GSE1: variants seen among roughly 807,000 people sequenced by gnomAD.
GSE1 encodes Gse1 coiled-coil protein.
GSE1 carries 32 observed loss-of-function variants against 112.6 expected under a neutral mutation model. The ratio of observed to expected loss-of-function variants is 0.28; its 90% CI spans 0.21 to 0.38. The LOEUF (loss-of-function observed/expected upper bound fraction) is 0.38, where lower values mean the gene tolerates loss of function less well. Among genes scored for constraint, GSE1 ranks in the 10% least tolerant of loss-of-function variants. The pLI is 1.00. For synonymous variants in GSE1, 1,115 were observed against 735.6 expected (o/e 1.52, Z -8.35); for missense variants, 2,348 against 1,699.2 (o/e 1.38, Z -6.71).
intron 1 of GSE1, among the ~76,000 whole-genome samples, chr16:85,570,843 GGAGCTCAGCCGC>G (rs1251519010): frequency 1.3e-5 from 2 of 152,226 alleles, no homozygotes; most frequent in Non-Finnish European, 2.9e-5. Flanking sequence ...GGAGGAGGCA[GGAGCTCAGCCGC>G]AAGCCACTGA....
At chr16:85,171,231 G>C in exon 1 of GSE1, 1 of 985,768 alleles carries the variant, frequency 1.0e-6, no homozygotes, top group Non-Finnish European at 1.2e-6. Context: ...GGTACCACCA[G>C]GCCTTCTCCG....
intron 2 of GSE1, among the ~76,000 whole-genome samples, chr16:85,403,938 G>C (rs1483291013): frequency 2.6e-5 from 4 of 152,128 alleles, no homozygotes; most frequent in African/African-American, 4.8e-5. Context: ...CCAGCCTCTG[G>C]GGACTCTGGC....
intron 2 of GSE1, among the ~76,000 whole-genome samples, chr16:85,639,259 G>T (rs1045513271): frequency 6.6e-6 from 1 of 152,208 alleles, no homozygotes; most frequent in East Asian, 1.9e-4. Flanking sequence ...CAGACTCCTC[G>T]GGTGGCACCG....
At chr16:85,335,184 A>T (rs946829718) in intron 1 of GSE1, among the ~76,000 whole-genome samples, 2 of 152,180 alleles carry the variant, frequency 1.3e-5, no homozygotes, top group African/African-American at 4.8e-5. Context: ...CGGAGGGTGG[A>T]GGGGAATCAT....
At chr16:85,323,337 G>A (rs2046155681) in intron 1 of GSE1, among the ~76,000 whole-genome samples, 1 of 152,182 alleles carries the variant, frequency 6.6e-6, no homozygotes, top group Admixed American at 6.5e-5. Context: ...GATAGAATTA[G>A]TGGCCCACTT....
chr16:85,420,481 T>TC (rs1597701210), intron 2 of GSE1, among the ~76,000 whole-genome samples: 2 of 151,948 alleles, frequency 1.3e-5, no homozygotes, highest in East Asian at 3.9e-4. Context: ...TCGGAGGAAG[T>TC]CCCCGCTGCG....
intron 2 of GSE1, among the ~76,000 whole-genome samples, chr16:85,411,014 C>G (rs77264766): frequency 1.5e-4 from 10 of 68,884 alleles, no homozygotes; most frequent in African/African-American, 8.3e-4. Flanking sequence ...ACACTCAGAG[C>G]CCCCCTGGAT....
intron 1 of GSE1, among the ~76,000 whole-genome samples, chr16:85,324,746 A>T (rs2046190411): frequency 6.6e-6 from 1 of 152,098 alleles, no homozygotes; most frequent in African/African-American, 2.4e-5. Context: ...CCAATAGGCA[A>T]ATCCACAGAG....
intron 1 of GSE1, among the ~76,000 whole-genome samples, chr16:85,278,224 T>C (rs1324775994): frequency 6.6e-6 from 1 of 152,164 alleles, no homozygotes; most frequent in African/African-American, 2.4e-5. Context: ...GGGGGTGCTG[T>C]CCTCTGACCC....
In GSE1 at chr16:85,264,321, C is replaced by T. The variant is rs78375219; in HGVS notation, c.2283+92514C>T. On this transcript the variant is annotated intron_variant, in intron 1 of 2. Transcript: ENST00000637419. Reference sequence around the variant, plus strand: ...TAATAGCACAAGGAGGGAGACCCTGCGGAGGACCCCGTCTCAGATGGGCTT... The same window carrying T: ...TAATAGCACAAGGAGGGAGACCCTGTGGAGGACCCCGTCTCAGATGGGCTT... 9.7e-3 allele frequency among the ~76,000 whole-genome samples: 1,478 copies of T among 152,154 alleles called. 6 individuals carry two copies. The highest frequency in any genetic ancestry group is 0.018 in the South Asian group (87 of 4,814).
At chr16:85,208,128 C>T (rs1399406082) in intron 1 of GSE1, among the ~76,000 whole-genome samples, 1 of 152,108 alleles carries the variant, frequency 6.6e-6, no homozygotes, top group Admixed American at 6.5e-5. Flanking sequence ...TCGTCCTTGT[C>T]CTTGAATGGC....
intron 1 of GSE1, among the ~76,000 whole-genome samples, chr16:85,602,445 G>A (rs897473578): frequency 1.3e-5 from 2 of 152,124 alleles, no homozygotes; most frequent in Admixed American, 1.3e-4. Flanking sequence ...GAGACCCTTG[G>A]GCCCTGGCCG....
At chr16:85,329,247 A>G (rs962943889) in intron 1 of GSE1, among the ~76,000 whole-genome samples, 1 of 152,148 alleles carries the variant, frequency 6.6e-6, no homozygotes, top group African/African-American at 2.4e-5. Flanking sequence ...GTTCATCTGT[A>G]AAATGGGGGT....
intron 2 of GSE1, among the ~76,000 whole-genome samples, chr16:85,543,983 G>A (rs182805648): frequency 2.4e-4 from 37 of 152,268 alleles, no homozygotes; most frequent in East Asian, 1.9e-3. Flanking sequence ...GACTACAGGC[G>A]TGCACCACCA....
intron 13 of GSE1, 200 bp downstream of exon 13, chr16:85,666,547 G>T: frequency 3.3e-6 from 2 of 608,112 alleles, no homozygotes; most frequent in Non-Finnish European, 5.8e-6. Flanking sequence ...GAACTCGTAG[G>T]TGAGAAACGT....
intron 15 of GSE1, 74 bp from the exon 16 acceptor site, chr16:85,672,331 G>C: frequency 9.1e-7 from 1 of 1,101,556 alleles, no homozygotes; most frequent in East Asian, 2.4e-5. Flanking sequence ...CTTCCATCCA[G>C]CATGTTTGTA....
chr16:85,649,713 C>G (rs2051176071), intron 3 of GSE1, among the ~76,000 whole-genome samples: 1 of 152,212 alleles, frequency 6.6e-6, no homozygotes, highest in Admixed American at 6.5e-5. Flanking sequence ...GTCACCTGGA[C>G]TTTTCTGCTG....
intron 2 of GSE1, among the ~76,000 whole-genome samples, chr16:85,469,341 A>G (rs1487020460): frequency 1.3e-5 from 2 of 152,096 alleles, no homozygotes; most frequent in Non-Finnish European, 2.9e-5. Flanking sequence ...AGGGGCGGCC[A>G]CGTGAAGATG....
intron 2 of GSE1, among the ~76,000 whole-genome samples, chr16:85,416,344 G>A (rs1472885492): frequency 1.3e-5 from 2 of 152,198 alleles, no homozygotes; most frequent in African/African-American, 4.8e-5. Context: ...TCTCAAGGTT[G>A]AATGTATAAT....
Sources: gnomAD v4.1 joint callset for allele counts (sites outside exome capture counted in the v4.1 genomes callset) on GRCh38, gnomAD v4.1.1 for gene constraint, MANE v1.5 for transcripts, NCBI Gene and HGNC (gene_info 2026-07-23, HGNC 2026-07-21) for gene names.